TRPM8: variants seen among roughly 807,000 people sequenced by gnomAD.
The protein encoded by TRPM8 is transient receptor potential cation channel subfamily M member 8, also known as TRPM8 cationic channel.
Under a neutral mutation model 133.7 loss-of-function variants are expected in TRPM8, and 110 were observed. The ratio of observed to expected loss-of-function variants is 0.82; its 90% CI spans 0.70 to 0.96. The LOEUF is 0.96. Ranked by LOEUF, TRPM8 falls within the 40% of genes least tolerant of loss-of-function variation. The probability of loss-of-function intolerance (pLI) is 0.00; values close to 1 mark genes in which losing one functional copy is unlikely to be tolerated. For missense variants in TRPM8, 1,291 were observed against 1,379.5 expected (o/e 0.94, Z 1.02); for synonymous variants, 535 against 532.3 (o/e 1.01, Z -0.07).
chr2:233,981,741 T>A (rs1311760895), intron 18 of TRPM8, 33 bp from the exon 19 acceptor site: 2 of 1,567,944 alleles, frequency 1.3e-6, no homozygotes, highest in East Asian at 4.5e-5. Context: ...TTTGTCAATA[T>A]CTCATGAATT....
intron 22 of TRPM8, among the ~76,000 whole-genome samples, chr2:233,997,143 G>A (rs1485220411): frequency 1.3e-5 from 2 of 152,078 alleles, no homozygotes; most frequent in Non-Finnish European, 2.9e-5. Flanking sequence ...GTGTGTGCCT[G>A]TAGTCCTGTA....
chr2:233,932,341 G>T (rs1176252858), intron 3 of TRPM8, among the ~76,000 whole-genome samples: 1 of 152,206 alleles, frequency 6.6e-6, no homozygotes, highest in East Asian at 1.9e-4. Flanking sequence ...AGAGCAAAGA[G>T]GGCCTTGCTC....
chr2:233,966,823 G>C lies in TRPM8; in HGVS notation c.2025+68G>C, dbSNP rs370365743. 4.9e-5 allele frequency: 70 copies of C among 1,435,330 alleles called. No homozygotes were observed. The African/African-American group carries it at 8.8e-4, about 18-fold the overall frequency. 88.9% of individuals were successfully genotyped at this position (1,435,330 alleles called of 1,614,324 possible). ...GCTTTTATGTCAGATGCTACTAGCA[G>C]CATTAAACAATAGTAAAAACAAACC... On this transcript the variant is annotated intron_variant, in intron 15 of 25. Transcript: ENST00000324695.
intron 20 of TRPM8, chr2:233,983,467 T>TAA: frequency 2.0e-6 from 1 of 502,508 alleles, no homozygotes; most frequent in South Asian, 2.1e-5. Context: ...GTGATTCTGG[T>TAA]ATTTTCAATT....
At chr2:233,928,155 G>A (rs1375868342) in intron 2 of TRPM8, among the ~76,000 whole-genome samples, 1 of 151,528 alleles carries the variant, frequency 6.6e-6, no homozygotes, top group African/African-American at 2.4e-5. Context: ...ATTTTTAGTA[G>A]AGACGGGGTT....
At chr2:233,971,478 G>A (rs182974609) in intron 17 of TRPM8, among the ~76,000 whole-genome samples, 7 of 152,316 alleles carry the variant, frequency 4.6e-5, no homozygotes, top group Non-Finnish European at 8.8e-5. Context: ...AGTGCCCTGT[G>A]TCTGACTTTC....
intron 1 of TRPM8, among the ~76,000 whole-genome samples, chr2:233,922,987 C>T (rs1691438919): frequency 6.6e-6 from 1 of 152,166 alleles, no homozygotes; most frequent in African/African-American, 2.4e-5. Context: ...CCTGCCTCAG[C>T]CTCCTGAGTA....
At chr2:233,922,376 C>G (rs1274933932) in intron 1 of TRPM8, among the ~76,000 whole-genome samples, 1 of 152,176 alleles carries the variant, frequency 6.6e-6, no homozygotes, top group African/African-American at 2.4e-5. Flanking sequence ...GACCTTGGAA[C>G]AGGCTTCCCC....
Position 233,983,178 on chromosome 2 carries a change from C to T in TRPM8, c.2715C>T (p.Tyr905=), listed in dbSNP as rs200511441. 17 of 1,614,052 alleles carry T rather than the reference C, an allele frequency of 1.1e-5. No individual in the cohort carries two copies. The highest frequency in any genetic ancestry group is 9.3e-5 in the African/African-American group (7 of 74,922). The change falls in exon 20 of 26, where the codon TAC becomes TAT. Residue 905 remains tyrosine, a synonymous_variant. Transcript: ENST00000324695. ...GGTGGATATTCCGTTCGGTCATCTA[C>T]GAGCCCTACCTGGCCATGTTCGGCC... ...RWRWIFRSVI[Y]EPYLAMFGQV...
chr2:233,927,924 T>TTCTCTCTC (rs1178731456), intron 2 of TRPM8, among the ~76,000 whole-genome samples: 2 of 28,060 alleles, frequency 7.1e-5, no homozygotes, highest in Admixed American at 5.6e-4. Flanking sequence ...CTCTCTCTCT[T>TTCTCTCTC]TCTCTCTCTC....
At position 234,003,477 on chromosome 2, in the gene TRPM8, A is replaced by T. The variant is rs148889213; in HGVS notation, c.3131-3376A>T. Among the ~76,000 whole-genome samples the T allele has an allele frequency of 3.8e-3, 577 of 152,310 alleles. 10 individuals carry two copies. The highest frequency in any genetic ancestry group is 0.013 in the African/African-American group (542 of 41,554). ...TCAGGGAGAGGATTTGGAAGTTCAGATCTGGAATTTGACTCAAACATGGCA... is the reference window on the plus strand; with the variant it reads ...TCAGGGAGAGGATTTGGAAGTTCAGTTCTGGAATTTGACTCAAACATGGCA... On this transcript the variant is annotated intron_variant, in intron 22 of 25. Coordinates refer to ENST00000324695, the MANE Select transcript of TRPM8 (RefSeq NM_024080.5).
At chr2:233,945,821 A>G (rs750646906) in intron 6 of TRPM8, 35 bp from the exon 7 acceptor site, 3 of 1,579,032 alleles carry the variant, frequency 1.9e-6, no homozygotes, top group Non-Finnish European at 2.6e-6. Flanking sequence ...GACTGATAAT[A>G]CAATCTCAAA....
intron 15 of TRPM8, among the ~76,000 whole-genome samples, chr2:233,969,383 AGGCTGAGGC>A (rs1691651340): frequency 6.6e-6 from 1 of 151,840 alleles, no homozygotes; most frequent in Non-Finnish European, 1.5e-5. Context: ...GCTACTCGGG[AGGCTGAGGC>A]AGGAGAATCG....
intron 21 of TRPM8, among the ~76,000 whole-genome samples, chr2:233,993,472 T>C (rs1692331771): frequency 6.6e-6 from 1 of 152,184 alleles, no homozygotes; most frequent in African/African-American, 2.4e-5. Flanking sequence ...CTAGGGTCAT[T>C]GGTCAGATGT....
chr2:233,925,804 G>A (rs974246077), intron 1 of TRPM8, among the ~76,000 whole-genome samples: 24 of 152,080 alleles, frequency 1.6e-4, no homozygotes, highest in Non-Finnish European at 2.8e-4. Context: ...GTTTTGTCTC[G>A]AGCTTCGGAT....
At position 233,981,788 on chromosome 2, in the gene TRPM8, A is replaced by G. The variant is rs28902201; in HGVS notation, c.2462A>G (p.Asn821Ser). 2,211 of 1,611,174 alleles carry G rather than the reference A, an allele frequency of 1.4e-3. 28 individuals are homozygous for G. The African/African-American group carries it at 0.026, about 19-fold the overall frequency. ...TTTCCCCCTAGGCTCCACTCTTCTAATAAAAGCTCTTTGTATTCTGGACGA... is the reference window on the plus strand; with the variant it reads ...TTTCCCCCTAGGCTCCACTCTTCTAGTAAAAGCTCTTTGTATTCTGGACGA... ...AGIVFRLHSS[N>S]KSSLYSGRVI... Residue 821 changes from asparagine to serine, a missense_variant, in exon 19 of 26, where the codon AAT becomes AGT. Transcript: ENST00000324695.
chr2:233,928,801 C>T (rs975774363), intron 2 of TRPM8, among the ~76,000 whole-genome samples: 1 of 152,190 alleles, frequency 6.6e-6, no homozygotes. Flanking sequence ...CCCCATGTGG[C>T]CGCCCCGTTG....
Position 233,966,784 on chromosome 2 carries a change from C to T in TRPM8, c.2025+29C>T, listed in dbSNP as rs202023636. ...AACCATACTCAGCCACCAGACCACA[C>T]GGCCAGAAATGGGGCTTTTATGTCA... On this transcript the variant is annotated intron_variant, in intron 15 of 25. Transcript: ENST00000324695. The T allele has an allele frequency of 1.1e-5, 16 of 1,492,338 alleles. 1 individual carries two copies. Among genetic ancestry groups the T allele is most frequent in the East Asian group, 7.3e-5 (3 of 40,966 alleles). 92.4% of individuals were successfully genotyped at this position (1,492,338 alleles called of 1,614,324 possible).
Position 233,930,678 on chromosome 2 carries a change from A to G in TRPM8, c.128A>G (p.Asn43Ser), listed in dbSNP as rs760208144. The G allele has an allele frequency of 6.2e-7, 1 of 1,608,236 alleles. No homozygotes were observed. The highest frequency in any genetic ancestry group is 1.1e-5 in the South Asian group (1 of 90,478). Reference sequence around the variant, plus strand: ...GTTCTCTCTCCAAAGGACTTGGTGAATTTTATTCAAGCAAATTTTAAGAAA... The same window carrying G: ...GTTCTCTCTCCAAAGGACTTGGTGAGTTTTATTCAAGCAAATTTTAAGAAA... ...DLSYSESDLV[N>S]FIQANFKKRE... is the part of the protein sequence containing the mutation. Residue 43 changes from asparagine (N) to serine (S), a missense_variant, in exon 3 of 26, where the codon AAT (asparagine) becomes AGT (serine). Transcript: ENST00000324695.
Sources: gnomAD v4.1 joint callset for allele counts (sites outside exome capture counted in the v4.1 genomes callset) on GRCh38, gnomAD v4.1.1 for gene constraint, MANE v1.5 for transcripts, NCBI Gene and HGNC (gene_info 2026-07-23, HGNC 2026-07-21) for gene names.